Variants in AIFM1 observed in about 807,000 individuals in gnomAD.
The protein encoded by AIFM1 is apoptosis-inducing factor 1, mitochondrial.
In AIFM1, 3 loss-of-function variants were observed where a neutral mutation model predicts 51.7. The observed-to-expected ratio is 0.06, with a 90% confidence interval of 0.03 to 0.15. AIFM1 has a LOEUF of 0.15. Among genes scored for constraint, AIFM1 ranks in the 10% least tolerant of loss-of-function variants. AIFM1 has a pLI of 1.00. For synonymous variants in AIFM1, 178 were observed against 179.4 expected, an observed-to-expected ratio of 0.99 and a Z score of 0.06; for missense variants, 330 against 476.8, an observed-to-expected ratio of 0.69 and a Z score of 2.87.
chrX:130,132,701 C>T (rs980648100), intron 13 of AIFM1, among the ~76,000 whole-genome samples: 2 of 111,460 alleles, frequency 1.8e-5, no homozygotes, highest in Non-Finnish European at 3.8e-5. Context: ...CCATACCAGA[C>T]CAGCCTTCAT....
chrX:130,148,893 T>G (rs1237754574), intron 3 of AIFM1, among the ~76,000 whole-genome samples: 2 of 104,172 alleles, frequency 1.9e-5, no homozygotes, highest in African/African-American at 7.1e-5. Context: ...TTCCAATAGT[T>G]TTCCTTGCTA....
Position 130,133,426 on chromosome X carries a change from T to G in AIFM1, c.1335A>C (p.Ile445=), listed in dbSNP as rs747355630. The change falls in exon 13 of 16, where the codon ATA becomes ATC. Residue 445 remains isoleucine (I), a synonymous_variant. Transcript: ENST00000287295. Reference sequence around the variant, plus strand: ...GCTCTACCCGCCTCCTTCCCAACTTTATATCGTAGAAGCATGCAGCATCTC... The same window carrying G: ...GCTCTACCCGCCTCCTTCCCAACTTGATATCGTAGAAGCATGCAGCATCTC... ...VAGDAACFYD[I]KLGRRRVEHH... 8.3e-7 allele frequency: 1 copy of G among 1,210,556 alleles called. No homozygotes were observed. The highest frequency in any genetic ancestry group is 2.2e-5 in the Admixed American group (1 of 45,863).
At chrX:130,156,637 C>A in intron 1 of AIFM1, 34 bp from the exon 2 acceptor site, 1 of 1,193,393 alleles carries the variant, frequency 8.4e-7, no homozygotes. Context: ...CACACACATA[C>A]AAAAATAAAA....
intron 1 of AIFM1, among the ~76,000 whole-genome samples, chrX:130,158,842 C>T (rs1176458952): frequency 9.0e-6 from 1 of 110,716 alleles, no homozygotes; most frequent in Non-Finnish European, 1.9e-5. Flanking sequence ...CCTGTCTAGG[C>T]TTTAAAAGAC....
At chrX:130,164,370 T>A (rs2031461547) in intron 1 of AIFM1, among the ~76,000 whole-genome samples, 1 of 112,512 alleles carries the variant, frequency 8.9e-6, no homozygotes, top group East Asian at 2.8e-4. Flanking sequence ...ATTTTCATTG[T>A]GCATAGCAAC....
At chrX:130,157,953 C>CA (rs770910998) in intron 1 of AIFM1, among the ~76,000 whole-genome samples, 888 of 46,025 alleles carry the variant, frequency 0.019, 5 homozygotes, top group African/African-American at 0.057. Context: ...GACTCCGTCT[C>CA]AAAAAAAAAA....
At chrX:130,134,676 C>T (rs997673628) in intron 12 of AIFM1, among the ~76,000 whole-genome samples, 3 of 109,734 alleles carry the variant, frequency 2.7e-5, no homozygotes, top group African/African-American at 1.0e-4. Context: ...AAGCAGAGGG[C>T]GAGAACCTCC....
intron 14 of AIFM1, among the ~76,000 whole-genome samples, chrX:130,130,765 G>A (rs1465743227): frequency 1.8e-5 from 2 of 111,820 alleles, no homozygotes; most frequent in Admixed American, 1.9e-4. Flanking sequence ...ACTTCCATTT[G>A]GAAAAACCAT....
At chrX:130,160,893 A>C (rs2031324076) in intron 1 of AIFM1, among the ~76,000 whole-genome samples, 1 of 108,892 alleles carries the variant, frequency 9.2e-6, no homozygotes, top group African/African-American at 3.3e-5. Context: ...AAAATAAATA[A>C]ATAAATAAAT....
chrX:130,160,911 TAAATA>T (rs1406263748), intron 1 of AIFM1, among the ~76,000 whole-genome samples: 3 of 109,136 alleles, frequency 2.7e-5, no homozygotes, highest in African/African-American at 1.0e-4. Flanking sequence ...AATAAATAAA[TAAATA>T]AAATGAAAAA....
chrX:130,137,508 T>C, intron 9 of AIFM1: 1 of 1,167,270 alleles, frequency 8.6e-7, no homozygotes, highest in Non-Finnish European at 1.1e-6. Context: ...CCTGAAAAGA[T>C]GCCCTGATTT....
At chrX:130,136,618 G>T (rs1324430258) in intron 11 of AIFM1, 25 bp downstream of exon 11, 2 of 1,187,826 alleles carry the variant, frequency 1.7e-6, no homozygotes, top group Non-Finnish European at 2.3e-6. Flanking sequence ...AAGGCCTCTT[G>T]GCAGACTATC....
intron 2 of AIFM1, among the ~76,000 whole-genome samples, chrX:130,150,090 C>A (rs2030907288): frequency 9.0e-6 from 1 of 110,811 alleles, no homozygotes; most frequent in Non-Finnish European, 1.9e-5. Flanking sequence ...AGAGAGTTAC[C>A]CATCATTCCC....
chrX:130,131,876 C>A, intron 13 of AIFM1, 77 bp from the exon 14 acceptor site: 12 of 1,111,345 alleles, frequency 1.1e-5, no homozygotes, highest in Non-Finnish European at 1.5e-5. Context: ...CATGACACTG[C>A]ATTTTTTTTT....
At chrX:130,130,233 G>C in intron 14 of AIFM1, 67 bp from the exon 15 acceptor site, 1 of 1,140,433 alleles carries the variant, frequency 8.8e-7, no homozygotes, top group Non-Finnish European at 1.2e-6. Context: ...TATGAGCTTG[G>C]GAAATTCTAG....
Position 130,129,477 on chromosome X carries a change from G to T in AIFM1, c.*80C>A. On this transcript the variant is annotated 3_prime_UTR_variant, in exon 16 of 16. Transcript: ENST00000287295. Reference sequence around the variant, plus strand: ...TCACACTCATACACAGAGAAAGTCTGCTGAATAAAAAAATGCTCCTTTACC... The same window carrying T: ...TCACACTCATACACAGAGAAAGTCTTCTGAATAAAAAAATGCTCCTTTACC... The T allele has an allele frequency of 1.3e-6, 1 of 799,810 alleles. No homozygotes were observed. Among genetic ancestry groups the T allele is most frequent in the South Asian group, 2.0e-5 (1 of 48,926 alleles). The allele number at this position is 799,810 out of a possible 1,213,427, so 65.9% of individuals were successfully genotyped here. A position where few individuals can be genotyped will look rare whatever the true frequency, so the allele number is the denominator to read the frequency against.
chrX:130,138,575 T>C lies in AIFM1; in HGVS notation c.967+18A>G, dbSNP rs1374662219. The C allele has an allele frequency of 2.7e-6, 3 of 1,128,047 alleles. No individual in the cohort carries two copies. The highest frequency in any genetic ancestry group is 3.7e-6 in the Non-Finnish European group (3 of 819,469). The allele number at this position is 1,128,047 out of a possible 1,213,427, so 93.0% of individuals were successfully genotyped here. A position where few individuals can be genotyped will look rare whatever the true frequency, so the allele number is the denominator to read the frequency against. On this transcript the variant is annotated intron_variant, in intron 9 of 15. Coordinates refer to ENST00000287295, the MANE Select transcript of AIFM1 (RefSeq NM_004208.4). ...TAAGACTAGAGAAAGAAAATCAAGG[T>C]CACTCCTCAATACTCACCCTTTCTG... is the stretch of plus-strand genomic sequence containing the variant.
intron 2 of AIFM1, chrX:130,155,221 C>A (rs753213163): frequency 1.7e-6 from 2 of 1,211,011 alleles, no homozygotes; most frequent in Non-Finnish European, 2.2e-6. Flanking sequence ...TTGCTGCCAT[C>A]TTTCCCAGAA....
chrX:130,142,403 T>C (rs904789451), intron 6 of AIFM1, among the ~76,000 whole-genome samples: 1 of 111,424 alleles, frequency 9.0e-6, no homozygotes, highest in African/African-American at 3.3e-5. Context: ...AACCATCTTA[T>C]GTTCTATTGT....
Sources: gnomAD v4.1 joint callset for allele counts (sites outside exome capture counted in the v4.1 genomes callset) on GRCh38, gnomAD v4.1.1 for gene constraint, MANE v1.5 for transcripts, NCBI Gene and HGNC (gene_info 2026-07-23, HGNC 2026-07-21) for gene names.